WDR62: variants seen among roughly 807,000 people sequenced by gnomAD.
WDR62 encodes WD repeat-containing protein 62.
WDR62 carries 112 observed loss-of-function variants against 160.6 expected under a neutral mutation model. That is an observed-to-expected ratio of 0.70 (90% CI 0.60 to 0.82). WDR62 has a LOEUF of 0.82. WDR62 is among the 40% of genes least tolerant of loss of function. WDR62 has a pLI of 0.00. For synonymous variants in WDR62, 792 were observed against 815.1 expected, an observed-to-expected ratio of 0.97 and a Z score of 0.48; for missense variants, 1,819 against 1,983.8, an observed-to-expected ratio of 0.92 and a Z score of 1.58.
At chr19:36,083,652 T>G (rs1972037843) in intron 11 of WDR62, among the ~76,000 whole-genome samples, 1 of 152,126 alleles carries the variant, frequency 6.6e-6, no homozygotes, top group South Asian at 2.1e-4. Flanking sequence ...TTATGTGCCC[T>G]GTTGAGGTTT....
chr19:36,071,206 A>AG (rs1386429972), intron 7 of WDR62: 1 of 232,842 alleles, frequency 4.3e-6, no homozygotes, highest in East Asian at 9.6e-5. Context: ...CTATCTCAAA[A>AG]AAAAAAAAAA....
intron 9 of WDR62, among the ~76,000 whole-genome samples, chr19:36,080,925 TC>T (rs1425874419): frequency 1.3e-5 from 2 of 152,214 alleles, no homozygotes. Flanking sequence ...GTCTGATAAT[TC>T]CAATTTGGGT....
chr19:36,104,088 C>A, intron 30 of WDR62, 107 bp downstream of exon 30: 1 of 1,404,484 alleles, frequency 7.1e-7, no homozygotes, highest in South Asian at 1.2e-5. Flanking sequence ...CTGTGCCATT[C>A]ATTCATTCGT....
Position 36,089,209 on chromosome 19 carries a change from C to T in WDR62, c.1861C>T (p.Arg621Cys), listed in dbSNP as rs762664858. Residue 621 changes from arginine to cysteine, a missense_variant, in exon 15 of 32, where the codon CGT (arginine) becomes TGT (cysteine). Physicochemically the swap from Arg to Cys is radical, Grantham distance 180 (BLOSUM62 -3). This residue lies in a region of WDR62 where 934 missense variants were observed against 1,157.2 expected (regional missense o/e 0.81). Transcript: ENST00000401500. Reference protein sequence around the residue: ...QQGSDGLHFVRTHHVAEKTTL... With the variant: ...QQGSDGLHFVCTHHVAEKTTL... ...GGGTTCGGATGGACTACACTTTGTC[C>T]GTACCCACCACGTAGCAGAGAAAAC... The T allele has an allele frequency of 6.8e-6, 11 of 1,614,180 alleles. No individual in the cohort carries two copies. The highest frequency in any genetic ancestry group is 4.5e-5 in the East Asian group (2 of 44,888).
Position 36,103,092 on chromosome 19 carries a change from C to T in WDR62, c.3462+18C>T. 2 of 1,614,030 alleles carry T rather than the reference C, an allele frequency of 1.2e-6. No homozygotes were observed. Among genetic ancestry groups the T allele is most frequent in the Non-Finnish European group, 1.7e-6 (2 of 1,180,018 alleles). ...GGACCCACGTGAGTATTGGGCCCAC[C>T]TCCGTCAGGGCACGGGGCTGGGAAC... is the stretch of plus-strand genomic sequence containing the variant. On this transcript the variant is annotated intron_variant, in intron 28 of 31. Coordinates refer to ENST00000401500, the MANE Select transcript of WDR62 (RefSeq NM_001083961.2).
downstream of WDR62, among the ~76,000 whole-genome samples, chr19:36,107,947 G>A (rs771240138): frequency 6.6e-6 from 1 of 152,120 alleles, no homozygotes; most frequent in Non-Finnish European, 1.5e-5. Context: ...ATATTCCAAA[G>A]AGTTTAACCA....
chr19:36,068,129 C>T, intron 7 of WDR62, 119 bp downstream of exon 7: 2 of 1,246,966 alleles, frequency 1.6e-6, no homozygotes, highest in Non-Finnish European at 2.3e-6. Context: ...GTGAATGACG[C>T]CCACTCTCTG....
At chr19:36,081,971 G>C in intron 10 of WDR62, 1 of 397,490 alleles carries the variant, frequency 2.5e-6, no homozygotes, top group Non-Finnish European at 5.0e-6. Flanking sequence ...GAATGCTGGC[G>C]AGAGCCATGA....
chr19:36,106,737 G>A (rs547605160), downstream of WDR62, among the ~76,000 whole-genome samples: 1 of 152,364 alleles, frequency 6.6e-6, no homozygotes, highest in South Asian at 2.1e-4. Context: ...TGAGGTGCAA[G>A]GAGGAGCAGG....
rs1453769740 is a variant in WDR62, at chr19:36,066,397, T to C, written c.531T>C (p.His177=). 3 of 1,610,664 alleles carry C rather than the reference T, an allele frequency of 1.9e-6. No individual in the cohort carries two copies. The East Asian group carries it at 6.7e-5, about 36-fold the overall frequency. The change falls in exon 5 of 32, where the codon CAT becomes CAC. Residue 177 remains histidine (H), a synonymous_variant. Coordinates refer to ENST00000401500, the MANE Select transcript of WDR62 (RefSeq NM_001083961.2). ...MKHIVSMGYQ[H]DMVLNVWDWK... ...ACATCGTGTCCATGGGCTACCAACA[T>C]GACATGGTGCTCAACGTCTGGGACT... is the stretch of plus-strand genomic sequence containing the variant.
intron 3 of WDR62, chr19:36,061,721 G>A (rs1224676601): frequency 6.6e-6 from 1 of 152,138 alleles, no homozygotes; most frequent in East Asian, 1.9e-4. Context: ...TGTGGCCAGT[G>A]TGGGGATTTT....
At chr19:36,110,033 GCAA>G (rs1973780648), downstream of WDR62, among the ~76,000 whole-genome samples, 1 of 151,858 alleles carries the variant, frequency 6.6e-6, no homozygotes, top group African/African-American at 2.4e-5. Context: ...TCCAGCCTGG[GCAA>G]CGAGCAAAAC....
chr19:36,095,298 T>C (rs1245354652), intron 20 of WDR62, among the ~76,000 whole-genome samples: 2 of 152,202 alleles, frequency 1.3e-5, no homozygotes, highest in African/African-American at 4.8e-5. Context: ...TACAGGCTTA[T>C]AAAACTCCAT....
rs771057952 is a variant in WDR62 at position 36,097,013 on chromosome 19, C to T, written c.2468-14C>T. ...GTTGTTTGTCCTCTTTTCATGGATT[C>T]TGTGTCTTTCCAGATCCTCGTTGCC... On this transcript the variant is annotated splice_polypyrimidine_tract_variant and intron_variant, in intron 20 of 31. Coordinates refer to ENST00000401500, the MANE Select transcript of WDR62 (RefSeq NM_001083961.2). The T allele has an allele frequency of 8.1e-6, 13 of 1,609,194 alleles. No individual in the cohort carries two copies. In the South Asian group the frequency reaches 1.1e-4, roughly 14 times the overall value.
intron 19 of WDR62, among the ~76,000 whole-genome samples, chr19:36,093,668 G>T (rs918688406): frequency 6.6e-6 from 1 of 152,158 alleles, no homozygotes; most frequent in African/African-American, 2.4e-5. Flanking sequence ...TGGCTTCAGT[G>T]CCTGCCTCAT....
In WDR62 at chr19:36,102,064, G is replaced by C. The variant is rs563536911; in HGVS notation, c.3133G>C (p.Val1045Leu). ...GCTGTCCCTGCCCGAGGGACCCAGC[G>C]TCCCCAGCAGCTCCCTACCCCAGAC... ...DELSLPEGPS[V>L]PSSSLPQTPE... The change falls in exon 26 of 32, where the codon GTC becomes CTC. Residue 1045 changes from valine (V) to leucine (L), a missense_variant. This residue lies in a region of WDR62 where 770 missense variants were observed against 734.2 expected (regional missense o/e 1.05). Coordinates refer to ENST00000401500, the MANE Select transcript of WDR62 (RefSeq NM_001083961.2). 1.2e-6 allele frequency: 2 copies of C among 1,614,020 alleles called. No individual in the cohort carries two copies. The highest frequency in any genetic ancestry group is 4.5e-5 in the East Asian group (2 of 44,888).
At position 36,105,064 on chromosome 19, in the gene WDR62, G is replaced by C. The variant is rs1441740608; in HGVS notation, c.*36G>C. 3 of 1,582,058 alleles carry C rather than the reference G, an allele frequency of 1.9e-6. No individual in the cohort carries two copies. The highest frequency in any genetic ancestry group is 2.6e-6 in the Non-Finnish European group (3 of 1,171,552). On this transcript the variant is annotated 3_prime_UTR_variant, in exon 32 of 32. Coordinates refer to ENST00000401500, the MANE Select transcript of WDR62 (RefSeq NM_001083961.2). ...CCTCCACCGCAGCCCTGCTGCTTCT[G>C]AGGACTTAGGTATTTTAAGCGAATA...
At chr19:36,080,415 A>ATTTTTTAT (rs1971829592) in intron 9 of WDR62, among the ~76,000 whole-genome samples, 1 of 150,316 alleles carries the variant, frequency 6.7e-6, no homozygotes, top group East Asian at 2.0e-4. Flanking sequence ...TGCCCGGCCT[A>ATTTTTTAT]TTTTTTATTT....
In WDR62 at chr19:36,089,281, G is replaced by A. The variant is rs895042074; in HGVS notation, c.1933G>A (p.Val645Met). ...DIDITQKYVAVACQDRNVRVY... is the reference protein window; with the variant it reads ...DIDITQKYVAMACQDRNVRVY... The stretch of plus-strand genomic sequence containing the variant: ...TGACATCACCCAGAAGTACGTGGCC[G>A]TGGCCTGCCAGGACCGCAATGTGAG... The change falls in exon 15 of 32, where the codon GTG (valine) becomes ATG (methionine). Residue 645 changes from valine to methionine, a missense_variant. By Grantham distance (21) the Val-to-Met change is conservative. Transcript: ENST00000401500. The A allele has an allele frequency of 6.2e-7, 1 of 1,614,200 alleles. No individual in the cohort carries two copies. Among genetic ancestry groups the A allele is most frequent in the Non-Finnish European group, 8.5e-7 (1 of 1,180,030 alleles).
Sources: gnomAD v4.1 joint callset for allele counts (sites outside exome capture counted in the v4.1 genomes callset) on GRCh38, gnomAD v4.1.1 for gene constraint, gnomAD v4.1.1 regional missense constraint, MANE v1.5 for transcripts, NCBI Gene and HGNC (gene_info 2026-07-23, HGNC 2026-07-21) for gene names.